CASP2: variants seen among roughly 807,000 people sequenced by gnomAD.
CASP2 encodes the protein caspase-2.
A neutral mutation model predicts 54.4 loss-of-function variants in CASP2; 38 were observed. That is an observed-to-expected ratio of 0.70 (90% CI 0.54 to 0.92). The LOEUF (loss-of-function observed/expected upper bound fraction) is 0.92. CASP2 is among the 40% of genes least tolerant of loss of function. The probability of loss-of-function intolerance (pLI) is 0.00; values close to 1 mark genes in which losing one functional copy is unlikely to be tolerated. For synonymous variants in CASP2, 215 were observed against 216.3 expected, an observed-to-expected ratio of 0.99 and a Z score of 0.05; for missense variants, 512 against 579.6, an observed-to-expected ratio of 0.88 and a Z score of 1.20.
At chr7:143,303,738 T>G in intron 8 of CASP2, 46 bp from the exon 9 acceptor site, 1 of 1,591,282 alleles carries the variant, frequency 6.3e-7, no homozygotes, top group African/African-American at 1.3e-5. Context: ...CCAAGAGAGA[T>G]AGGAAGAAGT....
chr7:143,306,216 T>C lies in CASP2; in HGVS notation c.*1145T>C, dbSNP rs1178839327. The C allele has an allele frequency of 6.6e-6, 1 of 151,702 alleles. No individual in the cohort carries two copies. The allele number at this position is 151,702 out of a possible 1,614,324, so 9.4% of individuals were successfully genotyped here. A position where few individuals can be genotyped will look rare whatever the true frequency, so the allele number is the denominator to read the frequency against. ...ACCTAGAAACCTTTATCCCTGCTTA[T>C]CTGAAACTTCCCAACTTCCCTGTTC... On this transcript the variant is annotated 3_prime_UTR_variant, in exon 11 of 11. Coordinates refer to ENST00000310447, the MANE Select transcript of CASP2 (RefSeq NM_032982.4).
At position 143,288,373 on chromosome 7, in the gene CASP2, G is replaced by C. The variant is rs1801440399; in HGVS notation, c.-83G>C. 1.4e-6 allele frequency: 2 copies of C among 1,388,060 alleles called. No homozygotes were observed. The highest frequency in any genetic ancestry group is 1.0e-6 in the Non-Finnish European group (1 of 988,900). 86.0% of individuals were successfully genotyped at this position (1,388,060 alleles called of 1,614,324 possible). On this transcript the variant is annotated 5_prime_UTR_variant, in exon 1 of 11. Coordinates refer to ENST00000310447, the MANE Select transcript of CASP2 (RefSeq NM_032982.4). The stretch of plus-strand genomic sequence containing the variant: ...GGCGCAGTGTGCGTCCGCGTCTGAG[G>C]GGAGGGATGTGGGGGAAGCGACGGC...
intron 1 of CASP2, 126 bp downstream of exon 1, chr7:143,288,655 G>A (rs943863318): frequency 3.3e-6 from 3 of 907,890 alleles, no homozygotes; most frequent in African/African-American, 1.7e-5. Flanking sequence ...CGCGCTTCCT[G>A]CCAAGGGTGG....
chr7:143,297,449 C>CT (rs976715439), intron 6 of CASP2, among the ~76,000 whole-genome samples: 30 of 151,484 alleles, frequency 2.0e-4, no homozygotes, highest in African/African-American at 5.1e-4. Flanking sequence ...TTTTTGTTTT[C>CT]TTTTTTTTTA....
At chr7:143,299,691 A>T (rs1342150172) in intron 6 of CASP2, among the ~76,000 whole-genome samples, 1 of 152,170 alleles carries the variant, frequency 6.6e-6, no homozygotes, top group African/African-American at 2.4e-5. Flanking sequence ...TGCCTATCTC[A>T]GTGAGTCTGA....
At chr7:143,289,499 AAT>A (rs144395635) in intron 1 of CASP2, 126 of 245,870 alleles carry the variant, frequency 5.1e-4, no homozygotes, top group Middle Eastern at 4.0e-3. Flanking sequence ...ATGGAATATC[AAT>A]ATTAAGGGCA....
intron 6 of CASP2, among the ~76,000 whole-genome samples, chr7:143,297,148 C>T (rs1801779978): frequency 6.6e-6 from 1 of 152,180 alleles, no homozygotes; most frequent in South Asian, 2.1e-4. Flanking sequence ...TCACAAGTTA[C>T]TCTCTTCACA....
intron 8 of CASP2, chr7:143,302,527 A>G (rs973813465): frequency 6.6e-6 from 1 of 152,184 alleles, no homozygotes; most frequent in Non-Finnish European, 1.5e-5. Context: ...AAGCTCCATG[A>G]CGGCAGGAAT....
At position 143,304,728 on chromosome 7, in the gene CASP2, C is replaced by T. The variant is rs762599756; in HGVS notation, c.1172C>T (p.Ala391Val). The T allele has an allele frequency of 6.2e-7, 1 of 1,614,216 alleles. No individual in the cohort carries two copies. The highest frequency in any genetic ancestry group is 1.1e-5 in the South Asian group (1 of 91,080). Residue 391 changes from alanine to valine, a missense_variant, in exon 10 of 11, where the codon GCT becomes GTT. Ala to Val is a moderately conservative substitution (Grantham distance 64). Transcript: ENST00000310447. ...KRGSWYIEALAQVFSERACDM... is the reference protein window; with the variant it reads ...KRGSWYIEALVQVFSERACDM... ...GGTTCCTGGTACATCGAGGCTCTTG[C>T]TCAAGTGTTTTCTGAGCGGGCTTGT... is the stretch of plus-strand genomic sequence containing the variant.
intron 6 of CASP2, among the ~76,000 whole-genome samples, chr7:143,296,093 TTAAAGA>T (rs761893089): frequency 7.9e-5 from 12 of 152,164 alleles, no homozygotes; most frequent in Admixed American, 7.9e-4. Context: ...TGTCTAATAG[TTAAAGA>T]TAAAATACTG....
rs146668597 is a variant in CASP2 at position 143,304,627 on chromosome 7, G to T, written c.1118-47G>T. On this transcript the variant is annotated intron_variant, in intron 9 of 10. Transcript: ENST00000310447. Reference sequence around the variant, plus strand: ...GGCCGAGTCTAGTTTGGGAAGTGCAGCTGTGTGATGGCATTCACACTGTGA... The same window carrying T: ...GGCCGAGTCTAGTTTGGGAAGTGCATCTGTGTGATGGCATTCACACTGTGA... 6.2e-4 allele frequency: 847 copies of T among 1,362,936 alleles called. 5 individuals carry two copies. In the Middle Eastern group the frequency reaches 8.9e-3, roughly 14 times the overall value. The allele number at this position is 1,362,936 out of a possible 1,614,324, so 84.4% of individuals were successfully genotyped here. A position where few individuals can be genotyped will look rare whatever the true frequency, so the allele number is the denominator to read the frequency against.
At chr7:143,300,536 A>G (rs1350492783) in intron 8 of CASP2, 2 of 1,546,960 alleles carry the variant, frequency 1.3e-6, no homozygotes, top group Non-Finnish European at 1.7e-6. Flanking sequence ...TCCTGTTTTC[A>G]GGTCTCTTAT....
intron 4 of CASP2, 144 bp downstream of exon 4, chr7:143,292,842 C>T: frequency 2.8e-6 from 2 of 706,100 alleles, no homozygotes; most frequent in Non-Finnish European, 5.2e-6. Context: ...GAAACCCCGT[C>T]TCTACTAAAA....
intron 8 of CASP2, chr7:143,301,601 T>C (rs1801919192): frequency 1.3e-5 from 2 of 152,150 alleles, no homozygotes; most frequent in African/African-American, 4.8e-5. Flanking sequence ...ATTTTTTAGA[T>C]AAGATAAGGC....
chr7:143,291,495 T>A, intron 1 of CASP2, 45 bp from the exon 2 acceptor site: 1 of 1,605,074 alleles, frequency 6.2e-7, no homozygotes, highest in Non-Finnish European at 8.5e-7. Context: ...CTCTTCTGTG[T>A]CAAATTGTGA....
At chr7:143,296,151 CTG>C (rs1156449455) in intron 6 of CASP2, among the ~76,000 whole-genome samples, 1 of 152,176 alleles carries the variant, frequency 6.6e-6, no homozygotes, top group African/African-American at 2.4e-5. Context: ...TTCTCAGAGA[CTG>C]TCAGATTTGG....
At chr7:143,294,827 G>T in intron 6 of CASP2, 54 bp downstream of exon 6, 1 of 1,478,166 alleles carries the variant, frequency 6.8e-7, no homozygotes, top group South Asian at 1.2e-5. Flanking sequence ...ACAACACTTT[G>T]GGACCAGAGA....
chr7:143,294,793 T>C lies in CASP2; in HGVS notation c.747+20T>C, dbSNP rs4647301. 3.2e-4 allele frequency: 507 copies of C among 1,607,480 alleles called. 1 individual carries two copies. The Middle Eastern group carries it at 6.3e-3, about 20-fold the overall frequency. On this transcript the variant is annotated intron_variant, in intron 6 of 10. Coordinates refer to ENST00000310447, the MANE Select transcript of CASP2 (RefSeq NM_032982.4). ...GCACAGGTACCTGAGGTGGGAAAAA[T>C]TGACATGTAAATTAGAGGACTGAAC...
intron 8 of CASP2, chr7:143,303,529 C>T: frequency 2.3e-6 from 1 of 425,628 alleles, no homozygotes; most frequent in Non-Finnish European, 4.3e-6. Context: ...ATGGGAACTG[C>T]TCCAACCGCA....
Sources: allele counts gnomAD v4.1 joint callset (sites outside exome capture counted in the v4.1 genomes callset), GRCh38; gene constraint gnomAD v4.1.1; transcripts MANE v1.5; gene names NCBI Gene and HGNC (gene_info 2026-07-23, HGNC 2026-07-21).